The following LUZP1 variants were observed in gnomAD, a reference collection of about 807,000 sequenced individuals.
LUZP1 encodes the protein filamin mechanobinding actin cross-linking protein.
A neutral mutation model predicts 71.3 loss-of-function variants in LUZP1; 25 were observed. The observed-to-expected ratio is 0.35, with a 90% CI of 0.26 to 0.49. The LOEUF (loss-of-function observed/expected upper bound fraction) is 0.49, where lower values mean the gene tolerates loss of function less well. Ranked by LOEUF, LUZP1 falls within the 20% of genes least tolerant of loss-of-function variation. The probability of loss-of-function intolerance (pLI) is 0.99; values close to 1 mark genes in which losing one functional copy is unlikely to be tolerated. For missense variants in LUZP1, 1,142 were observed against 1,300.8 expected (o/e 0.88, Z 1.88); for synonymous variants, 481 against 506.4 (o/e 0.95, Z 0.67).
intron 2 of LUZP1, among the ~76,000 whole-genome samples, chr1:23,139,997 G>A (rs1644290072): frequency 6.6e-6 from 1 of 151,988 alleles, no homozygotes; most frequent in Non-Finnish European, 1.5e-5. Flanking sequence ...TTGGTCAACA[G>A]GAGGCCATTA....
At chr1:23,118,115 A>T (rs955402256) in intron 2 of LUZP1, among the ~76,000 whole-genome samples, 7 of 151,656 alleles carry the variant, frequency 4.6e-5, no homozygotes, top group African/African-American at 1.7e-4. Context: ...ATAATAAATA[A>T]AAACAAACAG....
chr1:23,163,258 A>G (rs1208100074), intron 2 of LUZP1, among the ~76,000 whole-genome samples: 1 of 149,950 alleles, frequency 6.7e-6, no homozygotes, highest in Non-Finnish European at 1.5e-5. Flanking sequence ...AAAAAAAAAA[A>G]GCATGTTGGG....
At chr1:23,091,433 G>C in exon 4 of LUZP1, 2 of 1,614,126 alleles carry the variant, frequency 1.2e-6, no homozygotes, top group East Asian at 4.5e-5. Flanking sequence ...TAGATTCCAC[G>C]TTTTTACCTA....
At chr1:23,103,458 G>T (rs1643947760) in intron 3 of LUZP1, among the ~76,000 whole-genome samples, 1 of 152,108 alleles carries the variant, frequency 6.6e-6, no homozygotes, top group African/African-American at 2.4e-5. Context: ...ATGTTGGAAA[G>T]GATTTAGAGA....
chr1:23,159,367 C>T (rs1644446687), intron 2 of LUZP1, among the ~76,000 whole-genome samples: 1 of 151,994 alleles, frequency 6.6e-6, no homozygotes, highest in Non-Finnish European at 1.5e-5. Context: ...TTACTGCTCC[C>T]CTCCCAAAGA....
chr1:23,130,525 C>CTTTTTTTT (rs748312616), intron 2 of LUZP1, among the ~76,000 whole-genome samples: 2 of 117,202 alleles, frequency 1.7e-5, no homozygotes, highest in African/African-American at 6.4e-5. Flanking sequence ...TAACAGTTAT[C>CTTTTTTTT]TTTTTTTTTT....
At position 23,094,056 on chromosome 1, in the gene LUZP1, C is replaced by T. The variant is rs1168834878; in HGVS notation, c.206G>A (p.Arg69His). 4.3e-6 allele frequency: 7 copies of T among 1,614,200 alleles called. No homozygotes were observed. Among genetic ancestry groups the T allele is most frequent in the African/African-American group, 1.3e-5 (1 of 75,044 alleles). The change falls in exon 4 of 5, where the codon CGC becomes CAC. Residue 69 changes from arginine to histidine, a missense_variant. By Grantham distance (29) the Arg-to-His change is conservative. Transcript: ENST00000302291. This position sits in a 1 kb window ranked among gnomAD's most constrained non-coding sequence, Gnocchi z 4.7. Reference sequence around the variant, plus strand: ...GCCTTCAATTCTCAGCACCCGCTGGCGCAGCACTTCAATCTCCGCCAACAT... The same window carrying T: ...GCCTTCAATTCTCAGCACCCGCTGGTGCAGCACTTCAATCTCCGCCAACAT...
intron 2 of LUZP1, among the ~76,000 whole-genome samples, chr1:23,119,804 C>T (rs914900319): frequency 5.9e-5 from 9 of 152,114 alleles, no homozygotes; most frequent in African/African-American, 2.2e-4. Context: ...TACGAAGACT[C>T]TTATGTATAA....
chr1:23,163,195 A>C (rs1644482642), intron 2 of LUZP1, among the ~76,000 whole-genome samples: 1 of 146,796 alleles, frequency 6.8e-6, no homozygotes, highest in South Asian at 2.2e-4. Flanking sequence ...AGCCGAGATC[A>C]CACCACTTCA....
At chr1:23,102,525 G>C (rs559944406) in intron 3 of LUZP1, among the ~76,000 whole-genome samples, 60 of 152,296 alleles carry the variant, frequency 3.9e-4, no homozygotes, top group Non-Finnish European at 7.2e-4. Flanking sequence ...CTTAGTTTGA[G>C]AGTAAATATT....
exon 4 of LUZP1, chr1:23,091,294 A>T: frequency 6.2e-7 from 1 of 1,613,954 alleles, no homozygotes; most frequent in Non-Finnish European, 8.5e-7. Flanking sequence ...GTCCTTCTGG[A>T]GGAGGGCTCA....
intron 4 of LUZP1, chr1:23,090,865 T>C (rs968898566): frequency 2.8e-6 from 2 of 717,638 alleles, no homozygotes; most frequent in Non-Finnish European, 5.2e-6. Context: ...TTTCATGCTG[T>C]TCTGAGGGCC....
At chr1:23,149,379 G>T (rs1644366378) in intron 2 of LUZP1, among the ~76,000 whole-genome samples, 1 of 152,066 alleles carries the variant, frequency 6.6e-6, no homozygotes, top group African/African-American at 2.4e-5. Flanking sequence ...GCCACAAGAT[G>T]AACACCAGAG....
At chr1:23,088,732 G>T in exon 5 of LUZP1, 2 of 944,154 alleles carry the variant, frequency 2.1e-6, no homozygotes, top group Non-Finnish European at 3.1e-6. Context: ...ATTCCCTCTG[G>T]CCAAATGGCA....
intron 2 of LUZP1, among the ~76,000 whole-genome samples, chr1:23,157,409 G>A (rs1048653171): frequency 2.6e-5 from 4 of 152,024 alleles, no homozygotes; most frequent in African/African-American, 9.7e-5. Flanking sequence ...AGGCACAGTG[G>A]TGCCTACCTA....
intron 2 of LUZP1, among the ~76,000 whole-genome samples, chr1:23,136,295 A>AAC (rs10578041): frequency 0.063 from 8,195 of 130,110 alleles, 344 homozygotes; most frequent in African/African-American, 0.11. Flanking sequence ...TTCCGTCTTA[A>AAC]ACACACACAC....
chr1:23,159,816 T>C (rs957785500), intron 2 of LUZP1, among the ~76,000 whole-genome samples: 1 of 152,128 alleles, frequency 6.6e-6, no homozygotes, highest in Non-Finnish European at 1.5e-5. Flanking sequence ...GAAACCCCTG[T>C]CTCTACTAAA....
chr1:23,116,224 T>C lies in LUZP1; in HGVS notation c.-225-7097A>G, dbSNP rs780211894. 5.3e-5 allele frequency among the ~76,000 whole-genome samples: 8 copies of C among 152,182 alleles called. No individual in the cohort carries two copies. The East Asian group carries it at 1.5e-3, about 29-fold the overall frequency. On this transcript the variant is annotated intron_variant, in intron 2 of 4. Coordinates refer to ENST00000302291, the Ensembl canonical transcript of LUZP1. Reference sequence around the variant, plus strand: ...AGTGAGACCTTGTCTCTTAAAACAATTTAAAAATTAGCCAGGTGTGGTGGC... The same window carrying C: ...AGTGAGACCTTGTCTCTTAAAACAACTTAAAAATTAGCCAGGTGTGGTGGC...
chr1:23,114,647 A>T (rs1329284775), intron 2 of LUZP1, among the ~76,000 whole-genome samples: 2 of 152,226 alleles, frequency 1.3e-5, no homozygotes, highest in African/African-American at 4.8e-5. Context: ...CCTTTTGCTC[A>T]CTTCCCTCCT....
Sources: gnomAD v4.1 joint callset for allele counts (sites outside exome capture counted in the v4.1 genomes callset) on GRCh38, gnomAD v4.1.1 for gene constraint, Gnocchi (gnomAD v3.1) non-coding constraint, MANE v1.5 for transcripts, NCBI Gene and HGNC (gene_info 2026-07-23, HGNC 2026-07-21) for gene names.